The following HMGCL variants were observed in gnomAD, a reference collection of about 807,000 sequenced individuals.
HMGCL encodes the protein 3-hydroxy-3-methylglutaryl-CoA lyase.
In HMGCL, 26 loss-of-function variants were observed where a neutral mutation model predicts 37.3. The observed-to-expected ratio is 0.70, with a 90% CI of 0.51 to 0.97. The LOEUF (loss-of-function observed/expected upper bound fraction) is 0.97. Among genes scored for constraint, HMGCL ranks in the 50% least tolerant of loss-of-function variants. The probability of loss-of-function intolerance (pLI) is 0.00; values close to 1 mark genes in which losing one functional copy is unlikely to be tolerated. For synonymous variants in HMGCL, 151 were observed against 148.0 expected (o/e 1.02, Z -0.15); for missense variants, 379 against 398.1 (o/e 0.95, Z 0.41).
intron 7 of HMGCL, among the ~76,000 whole-genome samples, chr1:23,807,612 C>T (rs980342456): frequency 8.5e-5 from 13 of 152,274 alleles, no homozygotes; most frequent in East Asian, 1.9e-4. Flanking sequence ...CTGTGGGGAA[C>T]GGCATTAAAG....
At chr1:23,817,671 T>C in intron 2 of HMGCL, 88 bp from the exon 3 acceptor site, 1 of 823,906 alleles carries the variant, frequency 1.2e-6, no homozygotes, top group Non-Finnish European at 2.1e-6. Context: ...GTACTATAGA[T>C]AATTTTTTGC....
chr1:23,818,997 T>C (rs1439267637), intron 2 of HMGCL, among the ~76,000 whole-genome samples: 2 of 97,924 alleles, frequency 2.0e-5, no homozygotes, highest in East Asian at 5.7e-4. Context: ...AAAGCTAGGA[T>C]GGACGTGCTA....
chr1:23,824,436 A>C (rs965066667), intron 1 of HMGCL, among the ~76,000 whole-genome samples: 3 of 152,208 alleles, frequency 2.0e-5, no homozygotes, highest in African/African-American at 7.2e-5. Context: ...TCCAAGTTGG[A>C]ATTGCCATCT....
At chr1:23,810,969 A>G (rs922121593) in intron 5 of HMGCL, among the ~76,000 whole-genome samples, 170 bp from the exon 6 acceptor site, 17 of 152,134 alleles carry the variant, frequency 1.1e-4, no homozygotes, top group Non-Finnish European at 2.4e-4. Context: ...GGCAGTAGAG[A>G]GCAATGGCAG....
At chr1:23,804,759 T>C (rs1193010032) in intron 7 of HMGCL, among the ~76,000 whole-genome samples, 1 of 152,182 alleles carries the variant, frequency 6.6e-6, no homozygotes, top group East Asian at 1.9e-4. Context: ...TGAACTCTCA[T>C]TCTTTAGGTT....
intron 1 of HMGCL, 58 bp downstream of exon 1, chr1:23,825,298 C>G (rs1638797038): frequency 7.1e-7 from 1 of 1,416,058 alleles, no homozygotes; most frequent in Middle Eastern, 1.7e-4. Context: ...GCCAAGCCCC[C>G]AACCCTGACA....
At position 23,802,297 on chromosome 1, in the gene HMGCL, C is replaced by G; in HGVS notation, c.*166G>C. 1.5e-6 allele frequency: 1 copy of G among 654,090 alleles called. No homozygotes were observed. Among genetic ancestry groups the G allele is most frequent in the African/African-American group, 1.8e-5 (1 of 55,904 alleles). The allele number at this position is 654,090 out of a possible 1,614,324, so 40.5% of individuals were successfully genotyped here. The stretch of plus-strand genomic sequence containing the variant: ...CAGGAGGTCCTTCTGCCAAGCAGCT[C>G]CTCCTGCCCTTCGCCTGCTTTCTGC... On this transcript the variant is annotated 3_prime_UTR_variant, in exon 9 of 9. Transcript: ENST00000374490.
At position 23,818,924 on chromosome 1, in the gene HMGCL, A is replaced by G. The variant is rs1407179549; in HGVS notation, c.145-1341T>C. Among the ~76,000 whole-genome samples the G allele has an allele frequency of 2.0e-5, 3 of 151,040 alleles. No homozygotes were observed. The East Asian group carries it at 5.9e-4, about 29-fold the overall frequency. On this transcript the variant is annotated intron_variant, in intron 2 of 8. Coordinates refer to ENST00000374490, the MANE Select transcript of HMGCL (RefSeq NM_000191.3). ...GGGATATAGCAGTAAGCAGAAGCAG[A>G]ACAGACAGGATTCTGCCCTTCGGGA...
At chr1:23,811,076 A>G (rs1224144297) in intron 5 of HMGCL, among the ~76,000 whole-genome samples, 4 of 152,170 alleles carry the variant, frequency 2.6e-5, no homozygotes, top group Admixed American at 6.5e-5. Context: ...AGGAGGAGCT[A>G]GAGAGGGCAA....
chr1:23,812,475 G>C (rs1320044212), intron 5 of HMGCL, among the ~76,000 whole-genome samples: 1 of 152,132 alleles, frequency 6.6e-6, no homozygotes, highest in Admixed American at 6.5e-5. Flanking sequence ...TCCCACCTTA[G>C]CCTCCTGAGT....
chr1:23,818,893 G>C (rs547774026), intron 2 of HMGCL, among the ~76,000 whole-genome samples: 69 of 151,628 alleles, frequency 4.6e-4, no homozygotes, highest in Non-Finnish European at 8.7e-4. Context: ...ATTGTGCTAG[G>C]TGCCGGGGAT....
chr1:23,808,041 CTGGCATCA>C, intron 7 of HMGCL, 86 bp downstream of exon 7: 1 of 1,192,292 alleles, frequency 8.4e-7, no homozygotes, highest in Non-Finnish European at 1.2e-6. Context: ...ACCTGGCATA[CTGGCATCA>C]GTAAATGTTT....
intron 2 of HMGCL, among the ~76,000 whole-genome samples, chr1:23,818,722 T>C (rs1261821431): frequency 1.3e-5 from 2 of 151,820 alleles, no homozygotes; most frequent in East Asian, 3.9e-4. Flanking sequence ...AGCTCATTTA[T>C]TTTAGTAGAG....
At chr1:23,807,649 G>A (rs1268447532) in intron 7 of HMGCL, among the ~76,000 whole-genome samples, 13 of 152,166 alleles carry the variant, frequency 8.5e-5, no homozygotes, top group Non-Finnish European at 1.9e-4. Context: ...ACCTCTGCTA[G>A]CTTCTCTACC....
At chr1:23,810,671 T>G in intron 6 of HMGCL, 65 bp downstream of exon 6, 1 of 1,378,048 alleles carries the variant, frequency 7.3e-7, no homozygotes, top group South Asian at 1.2e-5. Context: ...GAGGAACCTA[T>G]GCGCTCAGGG....
At chr1:23,813,306 C>A (rs1477169309) in intron 5 of HMGCL, among the ~76,000 whole-genome samples, 2 of 137,012 alleles carry the variant, frequency 1.5e-5, no homozygotes, top group Non-Finnish European at 3.1e-5. Flanking sequence ...GTGATCTCGG[C>A]TCACCACAAC....
chr1:23,804,032 G>A lies in HMGCL; in HGVS notation c.876+368C>T, dbSNP rs540790327. ...CACTCCAGCCTTCTTATGCCCATGC[G>A]TGTGGCCTCACTCAACCCTACTCTC... On this transcript the variant is annotated intron_variant, in intron 8 of 8. Coordinates refer to ENST00000374490, the MANE Select transcript of HMGCL (RefSeq NM_000191.3). 335 of 256,774 alleles carry A rather than the reference G, an allele frequency of 1.3e-3. 1 individual carries two copies. Among genetic ancestry groups the A allele is most frequent in the Non-Finnish European group, 2.1e-3 (268 of 128,714 alleles). The allele number at this position is 256,774 out of a possible 1,614,324, so 15.9% of individuals were successfully genotyped here.
chr1:23,804,453 T>G lies in HMGCL; in HGVS notation c.823A>C (p.Asn275His). 1 of 1,614,128 alleles carries G rather than the reference T, an allele frequency of 6.2e-7. No homozygotes were observed. Among genetic ancestry groups the G allele is most frequent in the Non-Finnish European group, 8.5e-7 (1 of 1,180,018 alleles). Residue 275 changes from asparagine to histidine, a missense_variant, in exon 8 of 9, where the codon AAC becomes CAC. Coordinates refer to ENST00000374490, the MANE Select transcript of HMGCL (RefSeq NM_000191.3). ...GCPYAQGASG[N>H]LATEDLVYML... ...TAGACCAGGTCTTCTGTGGCCAAGT[T>G]TCCTGATGCCCCCTGTGCGTAGGGA...
chr1:23,807,257 C>T (rs1378548326), intron 7 of HMGCL: 5 of 518,440 alleles, frequency 9.6e-6, no homozygotes, highest in South Asian at 5.6e-5. Flanking sequence ...AAGGAAAGCC[C>T]AGGAACCAGG....
Sources: gnomAD v4.1 joint callset for allele counts (sites outside exome capture counted in the v4.1 genomes callset) on GRCh38, gnomAD v4.1.1 for gene constraint, MANE v1.5 for transcripts, NCBI Gene and HGNC (gene_info 2026-07-23, HGNC 2026-07-21) for gene names.